The following INSYN2B variants were observed in gnomAD, a reference collection of about 807,000 sequenced individuals.
The protein encoded by INSYN2B is protein INSYN2B.
INSYN2B carries 16 observed loss-of-function variants against 41.2 expected under a neutral mutation model. The observed-to-expected ratio is 0.39, with a 90% CI of 0.26 to 0.59. The LOEUF is 0.59. Among genes scored for constraint, INSYN2B ranks in the 20% least tolerant of loss-of-function variants. The probability of loss-of-function intolerance (pLI) is 0.57; values close to 1 mark genes in which losing one functional copy is unlikely to be tolerated. For missense variants in INSYN2B, 608 were observed against 646.4 expected (o/e 0.94, Z 0.64); for synonymous variants, 245 against 244.4 (o/e 1.00, Z -0.02).
intron 1 of INSYN2B, among the ~76,000 whole-genome samples, chr5:169,946,858 G>C (rs1776471511): frequency 6.6e-6 from 1 of 152,206 alleles, no homozygotes; most frequent in African/African-American, 2.4e-5. Flanking sequence ...GGCTGGACCT[G>C]AATATCGAGA....
At chr5:169,874,982 C>A (rs1772229481) in intron 3 of INSYN2B, among the ~76,000 whole-genome samples, 1 of 152,060 alleles carries the variant, frequency 6.6e-6, no homozygotes. Flanking sequence ...CTTTACCCAA[C>A]ATATATAATT....
chr5:169,947,646 G>T (rs879117675), intron 1 of INSYN2B, among the ~76,000 whole-genome samples: 8 of 152,258 alleles, frequency 5.3e-5, no homozygotes, highest in Admixed American at 2.6e-4. Flanking sequence ...AAATGAAAAT[G>T]AATATCCCCA....
At chr5:169,902,413 C>T (rs1773978453) in intron 1 of INSYN2B, among the ~76,000 whole-genome samples, 2 of 152,208 alleles carry the variant, frequency 1.3e-5, no homozygotes, top group African/African-American at 4.8e-5. Flanking sequence ...CAAGCCACCA[C>T]AGTAGTGAAT....
intron 1 of INSYN2B, among the ~76,000 whole-genome samples, chr5:169,973,991 G>A (rs1475992918): frequency 1.3e-5 from 2 of 152,180 alleles, no homozygotes; most frequent in Non-Finnish European, 1.5e-5. Context: ...TTCAGCAGGG[G>A]GAGAGGTGGT....
At chr5:169,933,551 G>T (rs374642451) in intron 1 of INSYN2B, among the ~76,000 whole-genome samples, 4 of 152,296 alleles carry the variant, frequency 2.6e-5, no homozygotes, top group South Asian at 4.1e-4. Flanking sequence ...GGGGAAGGAG[G>T]CTGCTTATTT....
intron 1 of INSYN2B, among the ~76,000 whole-genome samples, chr5:169,976,127 C>G (rs1777709412): frequency 6.6e-6 from 1 of 152,148 alleles, no homozygotes. Context: ...TTCAATCTCC[C>G]ATCTAACAAA....
chr5:169,966,359 T>C (rs760727610), intron 1 of INSYN2B, among the ~76,000 whole-genome samples: 10 of 152,222 alleles, frequency 6.6e-5, no homozygotes, highest in Non-Finnish European at 1.3e-4. Flanking sequence ...TGTGCCTGTG[T>C]AGCTTTACCA....
intron 1 of INSYN2B, among the ~76,000 whole-genome samples, chr5:169,944,229 A>G (rs1473268872): frequency 3.3e-5 from 5 of 152,152 alleles, no homozygotes; most frequent in Non-Finnish European, 7.3e-5. Context: ...AGAGCTGGTG[A>G]GCCCCAACTC....
chr5:169,897,731 G>A (rs1251908279), intron 1 of INSYN2B, among the ~76,000 whole-genome samples: 1 of 152,174 alleles, frequency 6.6e-6, no homozygotes, highest in African/African-American at 2.4e-5. Context: ...GTCCATGCAA[G>A]CATTTGTCTA....
rs1391582546 is a variant in INSYN2B, at chr5:169,863,674, C to G, written c.*599G>C. Among the ~76,000 whole-genome samples, 2 of 152,190 alleles carry G rather than the reference C, an allele frequency of 1.3e-5. No homozygotes were observed. Among genetic ancestry groups the G allele is most frequent in the Non-Finnish European group, 1.5e-5 (1 of 68,038 alleles). On this transcript the variant is annotated 3_prime_UTR_variant, in exon 4 of 4. Coordinates refer to ENST00000377365, the MANE Select transcript of INSYN2B (RefSeq NM_001129891.3). ...GTGCATGCACCATGAGATGACAGAG[C>G]CTTAATTTGGGATCAAGGGGCTAAT... is the stretch of plus-strand genomic sequence containing the variant.
At chr5:169,920,113 T>C (rs140344844) in intron 1 of INSYN2B, among the ~76,000 whole-genome samples, 323 of 152,206 alleles carry the variant, frequency 2.1e-3, no homozygotes, top group Admixed American at 5.9e-3. Context: ...CACCAAGAGA[T>C]TGGCTTTTTG....
At chr5:169,872,588 C>T (rs1201151250) in intron 3 of INSYN2B, among the ~76,000 whole-genome samples, 1 of 152,160 alleles carries the variant, frequency 6.6e-6, no homozygotes, top group Non-Finnish European at 1.5e-5. Context: ...GATCAAGCTG[C>T]AGAAATCTCT....
intron 1 of INSYN2B, among the ~76,000 whole-genome samples, chr5:169,968,856 G>A (rs974529455): frequency 2.6e-5 from 4 of 152,102 alleles, no homozygotes; most frequent in East Asian, 1.9e-4. Context: ...AAGGCTTCCC[G>A]GGAGAAGAAA....
At chr5:169,913,482 T>G (rs1271831080) in intron 1 of INSYN2B, among the ~76,000 whole-genome samples, 1 of 152,214 alleles carries the variant, frequency 6.6e-6, no homozygotes, top group Non-Finnish European at 1.5e-5. Context: ...TTTGGTCCTA[T>G]TTTCTACTGG....
chr5:169,931,455 A>G (rs1437187167), intron 1 of INSYN2B, among the ~76,000 whole-genome samples: 1 of 152,188 alleles, frequency 6.6e-6, no homozygotes, highest in Non-Finnish European at 1.5e-5. Context: ...CTTTCCACCT[A>G]TCCAAGTGCA....
At chr5:169,961,205 A>C (rs1462895877) in intron 1 of INSYN2B, among the ~76,000 whole-genome samples, 1 of 152,248 alleles carries the variant, frequency 6.6e-6, no homozygotes, top group Non-Finnish European at 1.5e-5. Context: ...TAGCCCCCCA[A>C]GGGCAATTAA....
At chr5:169,871,059 CCT>C (rs1771936906) in intron 3 of INSYN2B, among the ~76,000 whole-genome samples, 1 of 152,096 alleles carries the variant, frequency 6.6e-6, no homozygotes. Flanking sequence ...GGGAGAGGGA[CCT>C]CTCTGAGTTC....
intron 1 of INSYN2B, among the ~76,000 whole-genome samples, chr5:169,924,810 G>A (rs1257806716): frequency 6.6e-6 from 1 of 151,872 alleles, no homozygotes; most frequent in Non-Finnish European, 1.5e-5. Flanking sequence ...ACGCTCTTTG[G>A]CCTGGCACAT....
intron 1 of INSYN2B, among the ~76,000 whole-genome samples, chr5:169,893,683 A>G (rs949196220): frequency 2.0e-5 from 3 of 152,208 alleles, no homozygotes; most frequent in Non-Finnish European, 4.4e-5. Context: ...CCTCTTCTCC[A>G]TAAGCTCCAT....
Sources: allele counts gnomAD v4.1 joint callset (sites outside exome capture counted in the v4.1 genomes callset), GRCh38; gene constraint gnomAD v4.1.1; transcripts MANE v1.5; gene names NCBI Gene and HGNC (gene_info 2026-07-23, HGNC 2026-07-21).